KDR: variants seen among roughly 807,000 people sequenced by gnomAD.
The protein encoded by KDR is vascular endothelial growth factor receptor 2.
A neutral mutation model predicts 160.9 loss-of-function variants in KDR; 43 were observed. The observed-to-expected ratio is 0.27, with a 90% CI of 0.21 to 0.34. The LOEUF is 0.34. Among genes scored for constraint, KDR ranks in the 10% least tolerant of loss-of-function variants. The pLI is 1.00. For missense variants in KDR, 1,469 were observed against 1,666.4 expected, an observed-to-expected ratio of 0.88 and a Z score of 2.06; for synonymous variants, 617 against 600.1, an observed-to-expected ratio of 1.03 and a Z score of -0.41.
rs1161202287 is a variant in KDR at position 55,106,707 on chromosome 4, G to A, written c.1516C>T (p.Leu506=). The A allele has an allele frequency of 6.3e-7, 1 of 1,576,926 alleles. No individual in the cohort carries two copies. Among genetic ancestry groups the A allele is most frequent in the Non-Finnish European group, 8.7e-7 (1 of 1,146,512 alleles). ...KIEVNKNQFA[L]IEGKNKTVST... is the part of the protein sequence containing the mutation. ...CTCACTTTGTTTTTTCCTTCAATTA[G>A]AGCAAATTGATTTTTATTAACTTCA... Residue 506 remains leucine (L), a synonymous_variant, in exon 11 of 30, where the codon CTA becomes TTA. Coordinates refer to ENST00000263923, the MANE Select transcript of KDR (RefSeq NM_002253.4).
At chr4:55,111,674 T>A (rs1192915971) in intron 7 of KDR, among the ~76,000 whole-genome samples, 1 of 152,202 alleles carries the variant, frequency 6.6e-6, no homozygotes, top group Admixed American at 6.5e-5. Flanking sequence ...AGAGCACATC[T>A]CTCTCTGTGT....
rs906702879 is a variant in KDR, at chr4:55,110,270, G to A, written c.1255+133C>T. On this transcript the variant is annotated intron_variant, in intron 9 of 29. Transcript: ENST00000263923. ...GTTTCACTTCAGCTTCACCACGCCA[G>A]ATGACTTTTGTACGCAGGCCCAGCC... The A allele has an allele frequency of 4.3e-6, 4 of 934,392 alleles. No homozygotes were observed. In the African/African-American group the frequency reaches 6.6e-5, roughly 15 times the overall value. The allele number at this position is 934,392 out of a possible 1,614,324, so 57.9% of individuals were successfully genotyped here.
In KDR at chr4:55,125,544, G is replaced by T. The variant is rs950845680; in HGVS notation, c.-251C>A. The T allele has an allele frequency of 1.3e-5, 8 of 599,752 alleles. No individual in the cohort carries two copies. The highest frequency in any genetic ancestry group is 2.0e-5 in the South Asian group (1 of 50,788). 37.2% of individuals were successfully genotyped at this position (599,752 alleles called of 1,614,324 possible). A position where few individuals can be genotyped will look rare whatever the true frequency, so the allele number is the denominator to read the frequency against. On this transcript the variant is annotated 5_prime_UTR_variant, in exon 1 of 30. Transcript: ENST00000263923. ...GCAAGTGATGCCCGGCGCAGGCAGAGGAAACGCAGCGACCACACATTGACC... is the reference window on the plus strand; with the variant it reads ...GCAAGTGATGCCCGGCGCAGGCAGATGAAACGCAGCGACCACACATTGACC...
At position 55,098,707 on chromosome 4, in the gene KDR, G is replaced by A. The variant is rs1364615379; in HGVS notation, c.2363C>T (p.Thr788Ile). 1 of 1,610,884 alleles carries A rather than the reference G, an allele frequency of 6.2e-7. No individual in the cohort carries two copies. Among genetic ancestry groups the A allele is most frequent in the African/African-American group, 1.3e-5 (1 of 74,780 alleles). The change falls in exon 16 of 30, where the codon ACC (threonine) becomes ATC (isoleucine). Residue 788 changes from threonine to isoleucine, a missense_variant. Thr to Ile is a moderately conservative substitution (Grantham distance 89, BLOSUM62 -1). This residue lies in a region of KDR where 118 missense variants were observed against 110.8 expected (regional missense o/e 1.06). Transcript: ENST00000263923. ...FWLLLVIILR[T>I]VKRANGGELK... ...AAATTATTTTTTTACCCGCTTAACGGTCCGTAGGATGATGACAAGAAGTAG... is the reference window on the plus strand; with the variant it reads ...AAATTATTTTTTTACCCGCTTAACGATCCGTAGGATGATGACAAGAAGTAG...
chr4:55,109,911 A>C (rs1436641986), intron 9 of KDR, among the ~76,000 whole-genome samples: 1 of 152,192 alleles, frequency 6.6e-6, no homozygotes, highest in Admixed American at 6.5e-5. Context: ...AAAAGGAAAA[A>C]AGAAAAGCTC....
intron 22 of KDR, among the ~76,000 whole-genome samples, chr4:55,091,009 C>T (rs960954978): frequency 7.2e-5 from 11 of 152,084 alleles, no homozygotes; most frequent in Non-Finnish European, 1.6e-4. Flanking sequence ...TGTGCCACCA[C>T]GCCCAGCTAA....
chr4:55,120,844 T>TTGTG (rs1397457115), intron 2 of KDR, among the ~76,000 whole-genome samples: 3 of 47,058 alleles, frequency 6.4e-5, no homozygotes, highest in Admixed American at 3.1e-4. Context: ...GGGTGTGTAT[T>TTGTG]TGTGTGCGTG....
intron 18 of KDR, among the ~76,000 whole-genome samples, 198 bp downstream of exon 18, chr4:55,097,464 T>C (rs1720189020): frequency 6.6e-6 from 1 of 152,146 alleles, no homozygotes; most frequent in Non-Finnish European, 1.5e-5. Context: ...TTCCCAACTT[T>C]GCTTGCCAGA....
chr4:55,092,539 C>G, intron 22 of KDR, 78 bp downstream of exon 22: 2 of 1,007,960 alleles, frequency 2.0e-6, no homozygotes, highest in Non-Finnish European at 3.2e-6. Context: ...CAAACAAGCA[C>G]CAATGGCTGA....
intron 25 of KDR, 59 bp from the exon 26 acceptor site, chr4:55,089,032 A>T: frequency 8.1e-7 from 1 of 1,234,592 alleles, no homozygotes; most frequent in East Asian, 2.4e-5. Context: ...TGCTGAAAAT[A>T]AGCACTTAAA....
In KDR at chr4:55,118,760, T is replaced by C; in HGVS notation, c.202A>G (p.Ser68Gly). The C allele has an allele frequency of 6.2e-7, 1 of 1,614,202 alleles. No homozygotes were observed. Among genetic ancestry groups the C allele is most frequent in the South Asian group, 1.1e-5 (1 of 91,084 alleles). The change falls in exon 3 of 30, where the codon AGT becomes GGT. Residue 68 changes from serine to glycine, a missense_variant. Physicochemically the swap from Ser to Gly is moderately conservative, Grantham distance 56 (BLOSUM62 0). This residue lies in a region of KDR where 792 missense variants were observed against 840.9 expected (regional missense o/e 0.94). Coordinates refer to ENST00000263923, the MANE Select transcript of KDR (RefSeq NM_002253.4). ...ACCTCCACCCTTTGCTCACTGCCAC[T>C]CTGATTATTGGGCCAAAGCCAGTCC... ...DLDWLWPNNQSGSEQRVEVTE... is the reference protein window; with the variant it reads ...DLDWLWPNNQGGSEQRVEVTE...
chr4:55,117,947 A>G (rs1415475741), intron 3 of KDR, among the ~76,000 whole-genome samples: 1 of 152,166 alleles, frequency 6.6e-6, no homozygotes, highest in East Asian at 1.9e-4. Context: ...CATTTATTTT[A>G]TACTATATGG....
intron 18 of KDR, 70 bp from the exon 19 acceptor site, chr4:55,096,412 C>G: frequency 9.6e-7 from 1 of 1,044,808 alleles, no homozygotes; most frequent in Non-Finnish European, 1.5e-6. Context: ...GTCCCTCCCT[C>G]CCTGCATGCC....
chr4:55,106,597 A>C, intron 11 of KDR, 90 bp downstream of exon 11: 2 of 992,670 alleles, frequency 2.0e-6, no homozygotes, highest in Non-Finnish European at 3.2e-6. Flanking sequence ...AGACTATTTG[A>C]TTATTAATCT....
At chr4:55,101,075 T>C (rs990278822) in intron 15 of KDR, among the ~76,000 whole-genome samples, 1 of 152,212 alleles carries the variant, frequency 6.6e-6, no homozygotes, top group Non-Finnish European at 1.5e-5. Flanking sequence ...CACAAGTGAA[T>C]CTTAATTATC....
chr4:55,098,998 T>A (rs12504497), intron 15 of KDR, among the ~76,000 whole-genome samples, 195 bp from the exon 16 acceptor site: 43 of 138,052 alleles, frequency 3.1e-4, no homozygotes, highest in African/African-American at 1.3e-3. Context: ...TTTATTTATT[T>A]ATTTATTTAT....
At chr4:55,099,119 G>A (rs977586877) in intron 15 of KDR, among the ~76,000 whole-genome samples, 7 of 151,620 alleles carry the variant, frequency 4.6e-5, no homozygotes, top group African/African-American at 7.3e-5. Flanking sequence ...AGGCTCAAGC[G>A]ATTCTCCCCC....
chr4:55,119,597 A>G (rs955807721), intron 2 of KDR, among the ~76,000 whole-genome samples: 7 of 152,228 alleles, frequency 4.6e-5, no homozygotes, highest in African/African-American at 1.7e-4. Context: ...CATCATGAAG[A>G]GCAGTATTAC....
chr4:55,110,779 A>AT lies in KDR; in HGVS notation c.977-12dup, dbSNP rs747749714. 2.2e-5 allele frequency: 32 copies of AT among 1,469,020 alleles called. No individual in the cohort carries two copies. The highest frequency in any genetic ancestry group is 3.9e-5 in the Admixed American group (2 of 51,340). 91.0% of individuals were successfully genotyped at this position (1,469,020 alleles called of 1,614,324 possible). On this transcript the variant is annotated splice_polypyrimidine_tract_variant and intron_variant, in intron 7 of 29. Coordinates refer to ENST00000263923, the MANE Select transcript of KDR (RefSeq NM_002253.4). ...CAACAAAAGGTTTTTCTGGAAGAAAATAAAAAAAAAAAAAGGTCAACTTAC... is the reference window on the plus strand; with the variant it reads ...CAACAAAAGGTTTTTCTGGAAGAAAATTAAAAAAAAAAAAAGGTCAACTTAC...
Sources: gnomAD v4.1 joint callset for allele counts (sites outside exome capture counted in the v4.1 genomes callset) on GRCh38, gnomAD v4.1.1 for gene constraint, gnomAD v4.1.1 regional missense constraint, MANE v1.5 for transcripts, NCBI Gene and HGNC (gene_info 2026-07-23, HGNC 2026-07-21) for gene names.